The following MBD5 variants were observed in gnomAD, a reference collection of about 807,000 sequenced individuals.
MBD5 encodes the protein methyl-CpG binding domain protein 5.
Under a neutral mutation model 117.3 loss-of-function variants are expected in MBD5, and 13 were observed. The ratio of observed to expected loss-of-function variants is 0.11; its 90% CI spans 0.07 to 0.18. MBD5 has a LOEUF of 0.18. MBD5 is among the 10% of genes least tolerant of loss of function. MBD5 has a pLI of 1.00. For missense variants in MBD5, 1,879 were observed against 2,093.8 expected (o/e 0.90, Z 2.00); for synonymous variants, 727 against 766.4 (o/e 0.95, Z 0.85).
In MBD5 at chr2:148,470,231, A is replaced by G. The variant is rs1294270968; in HGVS notation, c.2288A>G (p.Asn763Ser). 10 of 1,613,836 alleles carry G rather than the reference A, an allele frequency of 6.2e-6. No individual in the cohort carries two copies. The highest frequency in any genetic ancestry group is 2.2e-5 in the East Asian group (1 of 44,874). ...AGAGGGGAAGCCGTGCACTGCCACA[A>G]TGCAAACACTAACTTTGTTCACAGT... ...PLRGEAVHCH[N>S]ANTNFVHSNS... Residue 763 changes from asparagine (N) to serine (S), a missense_variant, in exon 8 of 14, where the codon AAT becomes AGT. Around this residue, in one of 4 missense-constraint regions of MBD5, gnomAD observed 1,666 missense variants for 1,792.2 expected, o/e 0.93. Coordinates refer to ENST00000642680, the MANE Select transcript of MBD5 (RefSeq NM_001378120.1).
At chr2:148,307,741 A>G (rs991637803) in intron 3 of MBD5, among the ~76,000 whole-genome samples, 2 of 152,148 alleles carry the variant, frequency 1.3e-5, no homozygotes, top group African/African-American at 4.8e-5. Flanking sequence ...TGCTGCACCC[A>G]TCAACCCGTC....
chr2:148,370,474 A>G (rs932320072), intron 4 of MBD5, among the ~76,000 whole-genome samples: 1 of 151,466 alleles, frequency 6.6e-6, no homozygotes, highest in African/African-American at 2.4e-5. Context: ...ATTGCACGAT[A>G]GCCTATTTAT....
chr2:148,149,765 T>A (rs1574067914), intron 1 of MBD5, among the ~76,000 whole-genome samples: 1 of 152,290 alleles, frequency 6.6e-6, no homozygotes, highest in East Asian at 1.9e-4. Flanking sequence ...TTCATGTCCT[T>A]CACCCACTTT....
intron 4 of MBD5, among the ~76,000 whole-genome samples, chr2:148,445,880 G>A (rs1706491704): frequency 2.0e-5 from 3 of 151,350 alleles, no homozygotes; most frequent in South Asian, 2.1e-4. Flanking sequence ...TTTCTCTAAT[G>A]GCCGGTGATG....
At chr2:148,250,020 T>C (rs1311223005) in intron 3 of MBD5, among the ~76,000 whole-genome samples, 1 of 152,162 alleles carries the variant, frequency 6.6e-6, no homozygotes, top group Non-Finnish European at 1.5e-5. Flanking sequence ...TTGTCTTCTG[T>C]TTTTGGCTCT....
intron 3 of MBD5, among the ~76,000 whole-genome samples, chr2:148,294,196 GTTTTTTTTTTTTTTTTTT>G (rs60942822): frequency 4.0e-4 from 51 of 127,098 alleles, no homozygotes; most frequent in African/African-American, 1.5e-3. Flanking sequence ...CCAGAATGAA[GTTTTTTTTTTTTTTTTTT>G]TTTTTTTTTT....
At chr2:148,511,436 C>T (rs1682210885) in intron 13 of MBD5, among the ~76,000 whole-genome samples, 1 of 152,198 alleles carries the variant, frequency 6.6e-6, no homozygotes, top group Non-Finnish European at 1.5e-5. Flanking sequence ...TAATAAGGAT[C>T]AGGGCAACCT....
chr2:148,490,651 G>A, intron 11 of MBD5, 57 bp downstream of exon 11: 1 of 1,598,050 alleles, frequency 6.3e-7, no homozygotes, highest in Non-Finnish European at 8.6e-7. Context: ...ATCAATTATT[G>A]CTTTTTGTTA....
chr2:148,044,487 A>G (rs1694459781), intron 1 of MBD5: 1 of 152,176 alleles, frequency 6.6e-6, no homozygotes, highest in Non-Finnish European at 1.5e-5. Context: ...ATTTTAGTCA[A>G]CTTTCTCATC....
At chr2:148,103,736 A>C (rs1486243858) in intron 1 of MBD5, among the ~76,000 whole-genome samples, 1 of 152,172 alleles carries the variant, frequency 6.6e-6, no homozygotes, top group Non-Finnish European at 1.5e-5. Context: ...GATTTTCTTA[A>C]AAAATTTCAT....
At chr2:148,289,494 G>C (rs1328351241) in intron 3 of MBD5, among the ~76,000 whole-genome samples, 1 of 152,060 alleles carries the variant, frequency 6.6e-6, no homozygotes, top group East Asian at 1.9e-4. Flanking sequence ...ATGTATGTAT[G>C]CCATACCTAC....
chr2:148,168,711 C>G (rs897525461), intron 1 of MBD5, among the ~76,000 whole-genome samples: 7 of 151,760 alleles, frequency 4.6e-5, no homozygotes, highest in East Asian at 1.9e-4. Flanking sequence ...CTATTACACT[C>G]CAGCCTGGGT....
At chr2:148,496,813 A>G (rs1034186253) in intron 11 of MBD5, among the ~76,000 whole-genome samples, 2 of 152,222 alleles carry the variant, frequency 1.3e-5, no homozygotes, top group African/African-American at 4.8e-5. Flanking sequence ...ATTGTGATAA[A>G]GAGAATTTGG....
chr2:148,326,975 C>T (rs1180064628), intron 3 of MBD5, among the ~76,000 whole-genome samples: 1 of 151,296 alleles, frequency 6.6e-6, no homozygotes, highest in Non-Finnish European at 1.5e-5. Flanking sequence ...CGGCTGGTAC[C>T]GGTTGTTCCT....
At chr2:148,402,525 C>T (rs935012296) in intron 4 of MBD5, among the ~76,000 whole-genome samples, 1 of 152,150 alleles carries the variant, frequency 6.6e-6, no homozygotes, top group Admixed American at 6.5e-5. Flanking sequence ...CCTCCTACTT[C>T]TCCCCATCTT....
intron 1 of MBD5, among the ~76,000 whole-genome samples, chr2:148,049,747 C>T (rs1296820441): frequency 6.6e-6 from 1 of 152,148 alleles, no homozygotes; most frequent in African/African-American, 2.4e-5. Flanking sequence ...CGTCTGGCAA[C>T]TTCTAGTCTA....
intron 1 of MBD5, among the ~76,000 whole-genome samples, chr2:148,061,836 A>G (rs1006620986): frequency 1.3e-5 from 2 of 151,982 alleles, no homozygotes; most frequent in South Asian, 2.1e-4. Context: ...TCTAGACTGT[A>G]TCTTTAGAAA....
At chr2:148,300,997 G>C (rs920827618) in intron 3 of MBD5, among the ~76,000 whole-genome samples, 1 of 152,192 alleles carries the variant, frequency 6.6e-6, no homozygotes, top group African/African-American at 2.4e-5. Context: ...GCATCCTGAA[G>C]AATTCTGTGA....
At chr2:148,441,036 C>A (rs561091958) in intron 4 of MBD5, among the ~76,000 whole-genome samples, 85 of 152,088 alleles carry the variant, frequency 5.6e-4, no homozygotes, top group African/African-American at 1.9e-3. Flanking sequence ...CTTTTATGCC[C>A]TTGGTATTGG....
Sources: gnomAD v4.1 joint callset for allele counts (sites outside exome capture counted in the v4.1 genomes callset) on GRCh38, gnomAD v4.1.1 for gene constraint, gnomAD v4.1.1 regional missense constraint, MANE v1.5 for transcripts, NCBI Gene and HGNC (gene_info 2026-07-23, HGNC 2026-07-21) for gene names.